The following PLCG2 variants were observed in gnomAD, a reference collection of about 807,000 sequenced individuals.
PLCG2 encodes the protein 1-phosphatidylinositol 4,5-bisphosphate phosphodiesterase gamma-2.
In PLCG2, 69 loss-of-function variants were observed where a neutral mutation model predicts 175.6. The observed-to-expected ratio is 0.39, with a 90% CI of 0.32 to 0.48. The LOEUF is 0.48. Among genes scored for constraint, PLCG2 ranks in the 20% least tolerant of loss-of-function variants. The pLI is 0.91. For missense variants in PLCG2, 1,798 were observed against 1,650.9 expected (o/e 1.09, Z -1.54); for synonymous variants, 827 against 624.0 (o/e 1.33, Z -4.85).
In PLCG2 at chr16:81,827,111, A is replaced by G. The variant is rs561614262; in HGVS notation, c.194-27333A>G. On this transcript the variant is annotated intron_variant, in intron 2 of 32. Transcript: ENST00000564138. Reference sequence around the variant, plus strand: ...ATGTCCTTGTTGACCTTGCGCTGAAATAAGACTCAGGGGATGCCCCTCAAC... The same window carrying G: ...ATGTCCTTGTTGACCTTGCGCTGAAGTAAGACTCAGGGGATGCCCCTCAAC... Among the ~76,000 whole-genome samples the G allele has an allele frequency of 2.0e-5, 3 of 152,030 alleles. No individual in the cohort carries two copies. The South Asian group carries it at 6.2e-4, about 31-fold the overall frequency.
chr16:81,911,892 G>A (rs188775660), intron 18 of PLCG2, among the ~76,000 whole-genome samples: 253 of 146,720 alleles, frequency 1.7e-3, no homozygotes, highest in African/African-American at 6.1e-3. Context: ...TTGCCTCCTG[G>A]GTTCAAGTGA....
intron 2 of PLCG2, among the ~76,000 whole-genome samples, chr16:81,852,417 G>C (rs978649604): frequency 1.3e-5 from 2 of 152,086 alleles, no homozygotes; most frequent in Admixed American, 1.3e-4. Flanking sequence ...CATGGAATGG[G>C]TGCATCCCAT....
chr16:81,758,262 A>ACTTC (rs1329575807), intron 2 of PLCG2, among the ~76,000 whole-genome samples: 2 of 151,868 alleles, frequency 1.3e-5, no homozygotes, highest in Non-Finnish European at 2.9e-5. Context: ...AGAGGTGTGA[A>ACTTC]CCCTCGTGCC....
Position 81,743,364 on chromosome 16 carries a change from A to G in PLCG2, c.-145+3979A>G, listed in dbSNP as rs563052481. On this transcript the variant is annotated intron_variant, in intron 1 of 5. Transcript: ENST00000565054. ...AGACCCTATCTCAAAAACAAAAACA[A>G]AACAAAAGAACCGGTGTGCTCTGTC... Among the ~76,000 whole-genome samples, 12 of 152,284 alleles carry G rather than the reference A, an allele frequency of 7.9e-5. No individual in the cohort carries two copies. In the South Asian group the frequency reaches 2.1e-3, roughly 26 times the overall value.
chr16:81,816,439 GGTGACCTGGCAA>G (rs1363351184), intron 2 of PLCG2, among the ~76,000 whole-genome samples: 1 of 151,736 alleles, frequency 6.6e-6, no homozygotes, highest in African/African-American at 2.4e-5. Flanking sequence ...CCATGAAAAG[GGTGACCTGGCAA>G]GTCTGAGAAG....
chr16:81,763,192 C>T (rs1379256179), intron 2 of PLCG2, among the ~76,000 whole-genome samples: 1 of 152,210 alleles, frequency 6.6e-6, no homozygotes, highest in Admixed American at 6.5e-5. Context: ...GATGGGAGAA[C>T]CCAGCCTCTC....
intron 17 of PLCG2, 26 bp from the exon 18 acceptor site, chr16:81,910,494 G>A (rs540168234): frequency 7.3e-5 from 118 of 1,610,318 alleles, no homozygotes; most frequent in Non-Finnish European, 9.5e-5. Flanking sequence ...CGTTCTCCCA[G>A]CACTGATGGC....
intron 2 of PLCG2, among the ~76,000 whole-genome samples, chr16:81,769,912 T>G (rs1006136758): frequency 6.6e-6 from 1 of 151,806 alleles, no homozygotes; most frequent in Admixed American, 6.6e-5. Flanking sequence ...GCCGGTCGCT[T>G]AATGCCTCTG....
intron 30 of PLCG2, among the ~76,000 whole-genome samples, chr16:81,941,433 A>G (rs931395609): frequency 6.6e-6 from 1 of 152,208 alleles, no homozygotes; most frequent in African/African-American, 2.4e-5. Context: ...GCAGCTCCCC[A>G]GATGGTGCTT....
At chr16:81,849,098 G>A (rs1906267574) in intron 2 of PLCG2, among the ~76,000 whole-genome samples, 1 of 152,168 alleles carries the variant, frequency 6.6e-6, no homozygotes, top group Non-Finnish European at 1.5e-5. Context: ...TAGGCCACGT[G>A]GGGTTGGAGG....
At chr16:81,806,170 C>T (rs1597329190) in intron 2 of PLCG2, among the ~76,000 whole-genome samples, 1 of 151,940 alleles carries the variant, frequency 6.6e-6, no homozygotes, top group African/African-American at 2.4e-5. Context: ...AGATTCAATT[C>T]TGAGTGTTCA....
At chr16:81,806,566 T>C (rs573824745) in intron 2 of PLCG2, among the ~76,000 whole-genome samples, 5 of 152,080 alleles carry the variant, frequency 3.3e-5, no homozygotes, top group South Asian at 2.1e-4. Context: ...TTCATGACCA[T>C]TGAGAGTAGG....
At chr16:81,876,149 C>T (rs751832896) in intron 7 of PLCG2, among the ~76,000 whole-genome samples, 45 of 151,426 alleles carry the variant, frequency 3.0e-4, no homozygotes, top group East Asian at 1.9e-4. Flanking sequence ...CCTCAGCCTC[C>T]GGAGTACCTG....
At chr16:81,803,030 C>G (rs1229312958) in intron 2 of PLCG2, among the ~76,000 whole-genome samples, 1 of 152,108 alleles carries the variant, frequency 6.6e-6, no homozygotes, top group African/African-American at 2.4e-5. Flanking sequence ...TCCCCCATCC[C>G]TGGCAATGAC....
At chr16:81,941,104 G>C (rs1910922215) in intron 30 of PLCG2, among the ~76,000 whole-genome samples, 1 of 152,226 alleles carries the variant, frequency 6.6e-6, no homozygotes, top group East Asian at 1.9e-4. Context: ...GCTCAATGAA[G>C]AGCTGAATTG....
chr16:81,907,812 C>T (rs367930737), intron 16 of PLCG2, 38 bp downstream of exon 16: 2 of 1,511,406 alleles, frequency 1.3e-6, no homozygotes, highest in African/African-American at 1.4e-5. Flanking sequence ...AGGAGGTCCC[C>T]AGGAACCCCG....
At position 81,889,210 on chromosome 16, in the gene PLCG2, G is replaced by T. The variant is rs1203395638; in HGVS notation, c.804G>T (p.Arg268=). 1 of 1,606,442 alleles carries T rather than the reference G, an allele frequency of 6.2e-7. No individual in the cohort carries two copies. The highest frequency in any genetic ancestry group is 1.7e-5 in the Admixed American group (1 of 59,176). ...AGGATCTGAACAAAGTCCGTGAGCGGATGACAAAGTTCATTGATGACACCA... is the reference window on the plus strand; with the variant it reads ...AGGATCTGAACAAAGTCCGTGAGCGTATGACAAAGTTCATTGATGACACCA... ...WAQDLNKVRE[R]MTKFIDDTMR... Residue 268 remains arginine, a synonymous_variant, in exon 10 of 33, where the codon CGG becomes CGT. Coordinates refer to ENST00000564138, the MANE Select transcript of PLCG2 (RefSeq NM_002661.5).
chr16:81,951,686 A>G (rs900691086), intron 31 of PLCG2, among the ~76,000 whole-genome samples: 1 of 152,202 alleles, frequency 6.6e-6, no homozygotes, highest in Non-Finnish European at 1.5e-5. Flanking sequence ...AACTTCAAAA[A>G]ATAGCAAATA....
intron 31 of PLCG2, among the ~76,000 whole-genome samples, chr16:81,947,658 C>T (rs529552302): frequency 6.6e-6 from 1 of 152,252 alleles, no homozygotes; most frequent in South Asian, 2.1e-4. Flanking sequence ...AGTTTACAGC[C>T]CCAGAAAACT....
Sources: gnomAD v4.1 joint callset for allele counts (sites outside exome capture counted in the v4.1 genomes callset) on GRCh38, gnomAD v4.1.1 for gene constraint, MANE v1.5 for transcripts, NCBI Gene and HGNC (gene_info 2026-07-23, HGNC 2026-07-21) for gene names.